The following CCDC175 variants were observed in gnomAD, a reference collection of about 807,000 sequenced individuals.
The protein encoded by CCDC175 is coiled-coil domain-containing protein 175.
CCDC175 carries 100 observed loss-of-function variants against 114.6 expected under a neutral mutation model. The observed-to-expected ratio is 0.87, with a 90% CI of 0.74 to 1.03. CCDC175 has a LOEUF of 1.03. CCDC175 is among the 50% of genes least tolerant of loss of function. The pLI is 0.00. For synonymous variants in CCDC175, 306 were observed against 308.7 expected, an observed-to-expected ratio of 0.99 and a Z score of 0.09; for missense variants, 880 against 917.8, an observed-to-expected ratio of 0.96 and a Z score of 0.53.
Position 59,561,117 on chromosome 14 carries a change from A to T in CCDC175, c.953+2T>A. On this transcript the variant is annotated splice_donor_variant, in intron 7 of 19. Transcript: ENST00000537690. LOFTEE classifies it high-confidence loss of function. Reference sequence around the variant, plus strand: ...TAAGTAAAAATAAAGCATTACACTTACAGTTTCGCCTCCAGAATTGCAAGG... The same window carrying T: ...TAAGTAAAAATAAAGCATTACACTTTCAGTTTCGCCTCCAGAATTGCAAGG... The T allele has an allele frequency of 6.9e-7, 1 of 1,458,792 alleles. No homozygotes were observed. Among genetic ancestry groups the T allele is most frequent in the Non-Finnish European group, 9.3e-7 (1 of 1,075,822 alleles). The allele number at this position is 1,458,792 out of a possible 1,614,324, so 90.4% of individuals were successfully genotyped here.
Position 59,508,423 on chromosome 14 carries a change from C to CACACACACACACACACACACACAT in CCDC175, c.2305+2222_2305+2223insATGTGTGTGTGTGTGTGTGTGTGT, listed in dbSNP as rs1244962098. Among the ~76,000 whole-genome samples the CACACACACACACACACACACACAT allele has an allele frequency of 2.4e-3, 357 of 150,554 alleles. 2 individuals carry two copies. Among genetic ancestry groups the CACACACACACACACACACACACAT allele is most frequent in the Non-Finnish European group, 4.1e-3 (275 of 67,498 alleles). Reference sequence around the variant, plus strand: ...ATACACACACACACACACACACACACACACACACACACACTGCAGCCAGGC... The same window carrying CACACACACACACACACACACACAT: ...ATACACACACACACACACACACACACACACACACACACACACACACACATACACACACACACACTGCAGCCAGGC... On this transcript the variant is annotated intron_variant, in intron 19 of 19. Coordinates refer to ENST00000537690, the MANE Select transcript of CCDC175 (RefSeq NM_001164399.2).
intron 1 of CCDC175, 22 bp downstream of exon 1, chr14:59,576,597 C>G: frequency 1.4e-6 from 2 of 1,406,600 alleles, no homozygotes; most frequent in Non-Finnish European, 1.8e-6. Flanking sequence ...ACGTCCCTTC[C>G]AGCGCCCGAG....
chr14:59,512,486 A>G (rs569709023), intron 17 of CCDC175, among the ~76,000 whole-genome samples: 5 of 152,292 alleles, frequency 3.3e-5, no homozygotes, highest in African/African-American at 1.2e-4. Flanking sequence ...CATCCCTGAG[A>G]AGGTTGCTCC....
chr14:59,531,592 G>T (rs2145041), intron 14 of CCDC175, among the ~76,000 whole-genome samples, 180 bp downstream of exon 14: 68,233 of 151,684 alleles, frequency 0.45, 16,240 homozygotes, highest in African/African-American at 0.61. Flanking sequence ...ATGGTAAGAT[G>T]GTAGTGTGGA....
chr14:59,528,804 T>C lies in CCDC175; in HGVS notation c.1763-1630A>G, dbSNP rs540858871. ...TTTACAGAGATTTTCTTAACTTTTC[T>C]TATAATTTTCCTATTGAATTTTAAC... is the stretch of plus-strand genomic sequence containing the variant. On this transcript the variant is annotated intron_variant, in intron 14 of 19. Coordinates refer to ENST00000537690, the MANE Select transcript of CCDC175 (RefSeq NM_001164399.2). Among the ~76,000 whole-genome samples, 12 of 152,288 alleles carry C rather than the reference T, an allele frequency of 7.9e-5. No homozygotes were observed. In the East Asian group the frequency reaches 2.3e-3, roughly 29 times the overall value.
intron 18 of CCDC175, among the ~76,000 whole-genome samples, chr14:59,511,114 G>A (rs10132560): frequency 2.6e-5 from 4 of 151,768 alleles, no homozygotes; most frequent in Non-Finnish European, 5.9e-5. Flanking sequence ...GAGCTGAAGA[G>A]ATTCAGCCTA....
chr14:59,508,025 T>A (rs1892525826), intron 19 of CCDC175, among the ~76,000 whole-genome samples: 1 of 152,142 alleles, frequency 6.6e-6, no homozygotes, highest in South Asian at 2.1e-4. Flanking sequence ...TCCTTGAAGT[T>A]ACCTATTGAG....
chr14:59,529,126 C>T (rs566278828), intron 14 of CCDC175, among the ~76,000 whole-genome samples: 5 of 152,226 alleles, frequency 3.3e-5, no homozygotes, highest in South Asian at 2.1e-4. Context: ...CATCGAATGT[C>T]GGTGCTGTTG....
At chr14:59,533,233 G>A (rs1343676665) in intron 13 of CCDC175, among the ~76,000 whole-genome samples, 1 of 152,188 alleles carries the variant, frequency 6.6e-6, no homozygotes. Context: ...ACCCACTTAA[G>A]AGAGCCACCA....
chr14:59,509,571 G>A (rs1892638335), intron 19 of CCDC175, among the ~76,000 whole-genome samples: 1 of 152,106 alleles, frequency 6.6e-6, no homozygotes, highest in African/African-American at 2.4e-5. Flanking sequence ...GGAGTGCAGT[G>A]GCACAATCAT....
intron 17 of CCDC175, among the ~76,000 whole-genome samples, chr14:59,520,915 G>C (rs1893394760): frequency 6.6e-6 from 1 of 152,166 alleles, no homozygotes; most frequent in Non-Finnish European, 1.5e-5. Context: ...GGTGATAGTG[G>C]TTACAATAGC....
chr14:59,575,130 T>C, intron 1 of CCDC175, 102 bp from the exon 2 acceptor site: 1 of 583,786 alleles, frequency 1.7e-6, no homozygotes. Flanking sequence ...GGAAGTTACA[T>C]CTTCAGTCTC....
In CCDC175 at chr14:59,561,200, G is replaced by A. The variant is rs1896210474; in HGVS notation, c.872C>T (p.Ala291Val). The A allele has an allele frequency of 6.5e-7, 1 of 1,533,840 alleles. No homozygotes were observed. Among genetic ancestry groups the A allele is most frequent in the African/African-American group, 1.4e-5 (1 of 72,904 alleles). Residue 291 changes from alanine to valine, a missense_variant, in exon 7 of 20, where the codon GCA becomes GTA. Physicochemically the swap from Ala to Val is moderately conservative, Grantham distance 64. Coordinates refer to ENST00000537690, the MANE Select transcript of CCDC175 (RefSeq NM_001164399.2). ...AVLSDHNLEI[A>V]RLHESIRYWE... Reference sequence around the variant, plus strand: ...ATACCTTATTGATTCGTGTAGTCGTGCTATCTCTAAATTGTGATCACTAAG... The same window carrying A: ...ATACCTTATTGATTCGTGTAGTCGTACTATCTCTAAATTGTGATCACTAAG...
At chr14:59,538,513 A>C (rs958698613) in intron 12 of CCDC175, among the ~76,000 whole-genome samples, 192 bp downstream of exon 12, 5 of 152,208 alleles carry the variant, frequency 3.3e-5, no homozygotes, top group Non-Finnish European at 7.3e-5. Flanking sequence ...ATTCTACTGT[A>C]TTTGCTAATT....
chr14:59,564,938 GA>G (rs1896435811), intron 5 of CCDC175, 108 bp downstream of exon 5: 1 of 800,974 alleles, frequency 1.2e-6, no homozygotes, highest in Non-Finnish European at 1.9e-6. Flanking sequence ...GTTCACAGAA[GA>G]TACCACAGAG....
chr14:59,563,612 T>C lies in CCDC175; in HGVS notation c.843+125A>G, dbSNP rs936431616. The C allele has an allele frequency of 1.7e-5, 9 of 538,052 alleles. No homozygotes were observed. The African/African-American group carries it at 1.8e-4, about 11-fold the overall frequency. The allele number at this position is 538,052 out of a possible 1,614,324, so 33.3% of individuals were successfully genotyped here. A position where few individuals can be genotyped will look rare whatever the true frequency, so the allele number is the denominator to read the frequency against. On this transcript the variant is annotated intron_variant, in intron 6 of 19. Transcript: ENST00000537690. ...GCACCATAACGCTTTAAAGAAAGTG[T>C]CAGAAAATGTTAACGTGCAGAAAAC... is the stretch of plus-strand genomic sequence containing the variant.
chr14:59,523,606 G>C (rs181378602), intron 16 of CCDC175, among the ~76,000 whole-genome samples: 1 of 152,302 alleles, frequency 6.6e-6, no homozygotes, highest in Admixed American at 6.5e-5. Flanking sequence ...GGGGTACATT[G>C]ATAACAGATC....
At chr14:59,568,150 C>T (rs1432443806) in intron 4 of CCDC175, 95 bp downstream of exon 4, 5 of 1,255,010 alleles carry the variant, frequency 4.0e-6, no homozygotes, top group Non-Finnish European at 5.3e-6. Context: ...CTCGCCCTGC[C>T]ACAGTTCAGA....
intron 12 of CCDC175, 72 bp downstream of exon 12, chr14:59,538,633 A>AATTAAATCCTATCTT: frequency 8.4e-7 from 1 of 1,188,990 alleles, no homozygotes; most frequent in Non-Finnish European, 1.1e-6. Context: ...GATAGGATTT[A>AATTAAATCCTATCTT]ATTAAATATT....
Sources: gnomAD v4.1 joint callset for allele counts (sites outside exome capture counted in the v4.1 genomes callset) on GRCh38, gnomAD v4.1.1 for gene constraint, MANE v1.5 for transcripts, NCBI Gene and HGNC (gene_info 2026-07-23, HGNC 2026-07-21) for gene names.